KIAA1217: variants seen among roughly 807,000 people sequenced by gnomAD.
KIAA1217 encodes the protein KIAA1217, also known as sickle tail protein homolog.
KIAA1217 carries 88 observed loss-of-function variants against 163.9 expected under a neutral mutation model. The observed-to-expected ratio is 0.54, with a 90% CI of 0.45 to 0.64. The LOEUF is 0.64. Ranked by LOEUF, KIAA1217 falls within the 30% of genes least tolerant of loss-of-function variation. The probability of loss-of-function intolerance (pLI) is 0.00; values close to 1 mark genes in which losing one functional copy is unlikely to be tolerated. For synonymous variants in KIAA1217, 903 were observed against 923.1 expected, an observed-to-expected ratio of 0.98 and a Z score of 0.39; for missense variants, 2,372 against 2,475.0, an observed-to-expected ratio of 0.96 and a Z score of 0.88.
At chr10:24,144,312 A>G (rs1381636194) in intron 2 of KIAA1217, among the ~76,000 whole-genome samples, 1 of 152,240 alleles carries the variant, frequency 6.6e-6, no homozygotes, top group Non-Finnish European at 1.5e-5. Context: ...GAATATTTGC[A>G]TGTCATCTTG....
At chr10:24,496,751 C>T (rs12253613) in intron 8 of KIAA1217, among the ~76,000 whole-genome samples, 1 of 152,198 alleles carries the variant, frequency 6.6e-6, no homozygotes, top group Non-Finnish European at 1.5e-5. Flanking sequence ...ATTTGAACTC[C>T]TTTTATGTTA....
intron 5 of KIAA1217, among the ~76,000 whole-genome samples, chr10:24,440,107 G>A (rs865933459): frequency 2.4e-4 from 36 of 152,140 alleles, no homozygotes; most frequent in African/African-American, 7.2e-4. Context: ...GGCCTCTCAC[G>A]TACTCAACTG....
chr10:23,757,925 C>T (rs980255342), intron 1 of KIAA1217, among the ~76,000 whole-genome samples: 5 of 152,166 alleles, frequency 3.3e-5, no homozygotes, highest in African/African-American at 1.2e-4. Flanking sequence ...TATTGCGTTT[C>T]AGAAGTCTTC....
At chr10:23,844,294 G>T (rs1368749345) in intron 1 of KIAA1217, among the ~76,000 whole-genome samples, 1 of 151,962 alleles carries the variant, frequency 6.6e-6, no homozygotes, top group South Asian at 2.1e-4. Flanking sequence ...GTGAGTTTAT[G>T]CCTTTTAAAA....
intron 1 of KIAA1217, among the ~76,000 whole-genome samples, chr10:23,789,086 TTG>T (rs1216487179): frequency 2.0e-5 from 3 of 152,238 alleles, no homozygotes; most frequent in African/African-American, 7.2e-5. Flanking sequence ...TGAGAAAACT[TTG>T]TCTTTTCTAT....
intron 1 of KIAA1217, among the ~76,000 whole-genome samples, chr10:23,931,542 T>C (rs1843252210): frequency 2.6e-5 from 4 of 152,172 alleles, no homozygotes; most frequent in Non-Finnish European, 5.9e-5. Context: ...ATAGGAATTA[T>C]GTCTAATAAT....
intron 2 of KIAA1217, among the ~76,000 whole-genome samples, chr10:24,173,046 G>T (rs372081576): frequency 6.6e-6 from 1 of 152,312 alleles, no homozygotes; most frequent in Admixed American, 6.5e-5. Flanking sequence ...GCACAGCAGG[G>T]GTGAGTGGCA....
chr10:23,939,305 G>A (rs1208059883), intron 1 of KIAA1217, among the ~76,000 whole-genome samples: 1 of 152,054 alleles, frequency 6.6e-6, no homozygotes, highest in African/African-American at 2.4e-5. Context: ...TAAAAAGCAG[G>A]GAGTGTTAGA....
chr10:23,746,043 C>T (rs535107552), intron 1 of KIAA1217, among the ~76,000 whole-genome samples: 2 of 152,134 alleles, frequency 1.3e-5, no homozygotes, highest in Non-Finnish European at 2.9e-5. Flanking sequence ...TTTGTTTGTT[C>T]CCTACAAATC....
At chr10:23,834,432 A>G (rs1838355135) in intron 1 of KIAA1217, among the ~76,000 whole-genome samples, 1 of 152,190 alleles carries the variant, frequency 6.6e-6, no homozygotes, top group Admixed American at 6.5e-5. Context: ...TATTCTAGGC[A>G]TTATTCTAAG....
chr10:24,085,670 TA>T (rs148960876), intron 2 of KIAA1217, among the ~76,000 whole-genome samples: 6,221 of 143,438 alleles, frequency 0.043, 211 homozygotes, highest in African/African-American at 0.098. Context: ...CAATTTCAGT[TA>T]AAAAAAAAAA....
intron 5 of KIAA1217, among the ~76,000 whole-genome samples, chr10:24,469,243 A>G (rs1262967351): frequency 6.6e-6 from 1 of 152,082 alleles, no homozygotes; most frequent in East Asian, 1.9e-4. Context: ...CGTGTGCCTC[A>G]GCCTCCTGAG....
chr10:24,432,120 T>C (rs1321255511), intron 3 of KIAA1217, among the ~76,000 whole-genome samples: 2 of 50,402 alleles, frequency 4.0e-5, no homozygotes, highest in East Asian at 1.0e-3. Context: ...GTATCGTCCT[T>C]TTTTTTTTTT....
At chr10:23,937,843 G>C (rs1843597484) in intron 1 of KIAA1217, among the ~76,000 whole-genome samples, 1 of 152,184 alleles carries the variant, frequency 6.6e-6, no homozygotes, top group Non-Finnish European at 1.5e-5. Flanking sequence ...ATGCCTGAGA[G>C]AGGGGAAACA....
At chr10:24,304,659 G>A (rs375412733) in intron 2 of KIAA1217, among the ~76,000 whole-genome samples, 15 of 152,056 alleles carry the variant, frequency 9.9e-5, no homozygotes, top group East Asian at 3.9e-4. Context: ...TTGCCTTCGA[G>A]CCCCTTCAGA....
At chr10:24,416,705 C>A (rs2058281085) in intron 3 of KIAA1217, among the ~76,000 whole-genome samples, 1 of 152,140 alleles carries the variant, frequency 6.6e-6, no homozygotes. Flanking sequence ...AGGGTCCCCC[C>A]CACATCCCAG....
chr10:24,180,309 C>T (rs1342717770), intron 2 of KIAA1217, among the ~76,000 whole-genome samples: 10 of 108,778 alleles, frequency 9.2e-5, no homozygotes, highest in African/African-American at 3.6e-4. Context: ...TTTTTTGAGA[C>T]AGGGTCTCGC....
chr10:24,182,523 C>T (rs578115891), intron 2 of KIAA1217, among the ~76,000 whole-genome samples: 1 of 150,494 alleles, frequency 6.6e-6, no homozygotes, highest in Admixed American at 6.6e-5. Context: ...TGTTTGTCTT[C>T]ATTTTGTTTT....
In KIAA1217 at chr10:24,404,357, G is replaced by A. The variant is rs540665570; in HGVS notation, c.553+23290G>A. On this transcript the variant is annotated intron_variant, in intron 3 of 20. Coordinates refer to ENST00000376454, the MANE Select transcript of KIAA1217 (RefSeq NM_019590.5). ...GCCAAGGTGGGCACATCACAAGGTC[G>A]GGAGATGGAGACCCTCCTGGCCAAC... Among the ~76,000 whole-genome samples, 22 of 152,056 alleles carry A rather than the reference G, an allele frequency of 1.4e-4. No homozygotes were observed. In the South Asian group the frequency reaches 3.3e-3, roughly 23 times the overall value.
Sources: allele counts gnomAD v4.1 joint callset (sites outside exome capture counted in the v4.1 genomes callset), GRCh38; gene constraint gnomAD v4.1.1; transcripts MANE v1.5; gene names NCBI Gene and HGNC (gene_info 2026-07-23, HGNC 2026-07-21).